Variants in KAT5 observed in about 807,000 individuals in gnomAD.
KAT5 encodes the protein lysine acetyltransferase 5.
A neutral mutation model predicts 68.1 loss-of-function variants in KAT5; 31 were observed. That is an observed-to-expected ratio of 0.46 (90% CI 0.34 to 0.61). KAT5 has a LOEUF of 0.61. Ranked by LOEUF, KAT5 falls within the 20% of genes least tolerant of loss-of-function variation. The pLI is 0.01. For synonymous variants in KAT5, 365 were observed against 292.6 expected, an observed-to-expected ratio of 1.25 and a Z score of -2.52; for missense variants, 451 against 725.5, an observed-to-expected ratio of 0.62 and a Z score of 4.35.
Position 65,714,670 on chromosome 11 carries a change from C to T in KAT5, c.866C>T (p.Thr289Ile). 1 of 1,614,240 alleles carries T rather than the reference C, an allele frequency of 6.2e-7. No individual in the cohort carries two copies. Among genetic ancestry groups the T allele is most frequent in the Non-Finnish European group, 8.5e-7 (1 of 1,180,036 alleles). ...TCCCCGTACCCACAGGAACTCACCA[C>T]ATTGCCTGTCCTCTACCTGTGCGAG... is the stretch of plus-strand genomic sequence containing the variant. ...YFSPYPQELT[T>I]LPVLYLCEFC... Residue 289 changes from threonine to isoleucine, a missense_variant, in exon 7 of 13, where the codon ACA becomes ATA. By Grantham distance (89) the Thr-to-Ile change is moderately conservative. Around this residue, in one of 4 missense-constraint regions of KAT5, gnomAD observed 210 missense variants for 423.7 expected, o/e 0.50. Coordinates refer to ENST00000341318, the MANE Select transcript of KAT5 (RefSeq NM_182710.3).
rs747866272 is a variant in KAT5 at position 65,717,096 on chromosome 11, G to A, written c.1264+114G>A. 1.1e-4 allele frequency: 94 copies of A among 827,276 alleles called. 1 individual carries two copies. The highest frequency in any genetic ancestry group is 7.3e-4 in the Middle Eastern group (3 of 4,128). The allele number at this position is 827,276 out of a possible 1,614,324, so 51.2% of individuals were successfully genotyped here. A position where few individuals can be genotyped will look rare whatever the true frequency, so the allele number is the denominator to read the frequency against. ...TGGCTGTGCAGCCCAGCCTCTAGGG[G>A]AACCAGCCAGAAATAACAGTGGCAC... is the stretch of plus-strand genomic sequence containing the variant. On this transcript the variant is annotated intron_variant, in intron 10 of 12. Transcript: ENST00000341318.
At chr11:65,715,084 C>G (rs1857150002) in intron 8 of KAT5, 174 bp downstream of exon 8, 1 of 638,180 alleles carries the variant, frequency 1.6e-6, no homozygotes, top group East Asian at 2.8e-5. Context: ...TCTCTGACAG[C>G]TTAGTCCATG....
chr11:65,714,336 C>T (rs547679911), intron 6 of KAT5, 159 bp from the exon 7 acceptor site: 16 of 786,420 alleles, frequency 2.0e-5, no homozygotes, highest in South Asian at 1.6e-4. Flanking sequence ...ATCATCGATC[C>T]TTTAGGGTTT....
intron 10 of KAT5, chr11:65,717,649 C>T (rs4645933): frequency 0.28 from 43,385 of 155,542 alleles, 7,183 homozygotes; most frequent in Non-Finnish European, 0.35. Flanking sequence ...CTGGTGAAGA[C>T]ACAGAGGCTT....
chr11:65,718,509 G>T (rs1857283004), intron 10 of KAT5, 81 bp from the exon 11 acceptor site: 1 of 1,478,434 alleles, frequency 6.8e-7, no homozygotes, highest in Non-Finnish European at 9.3e-7. Flanking sequence ...TAGGCAGCCT[G>T]CCTTGGCAAC....
intron 6 of KAT5, chr11:65,714,219 C>T: frequency 1.9e-6 from 1 of 538,738 alleles, no homozygotes; most frequent in Non-Finnish European, 3.3e-6. Flanking sequence ...TGCTTGAACC[C>T]CGGAGGTGGA....
upstream of KAT5, chr11:65,712,123 G>A (rs1857036695): frequency 2.8e-6 from 2 of 720,568 alleles, no homozygotes; most frequent in Admixed American, 4.0e-5. Context: ...AGTCACAGGG[G>A]CAGTCTTGCC....
chr11:65,712,534 A>G, intron 1 of KAT5, 89 bp downstream of exon 1: 1 of 1,446,914 alleles, frequency 6.9e-7, no homozygotes, highest in Non-Finnish European at 9.4e-7. Context: ...GGCGTCTGGA[A>G]TTATGGGGCG....
intron 8 of KAT5, chr11:65,715,117 C>T (rs531944664): frequency 3.4e-5 from 20 of 583,986 alleles, no homozygotes; most frequent in African/African-American, 2.0e-4. Context: ...ATACCAATGA[C>T]CTCTAGCTCC....
upstream of KAT5, chr11:65,712,087 G>C: frequency 1.8e-6 from 1 of 553,988 alleles, no homozygotes; most frequent in Non-Finnish European, 3.0e-6. Context: ...CTCGGCCTGA[G>C]GCTTGTAACA....
At chr11:65,714,030 C>T in intron 6 of KAT5, 182 bp downstream of exon 6, 1 of 630,598 alleles carries the variant, frequency 1.6e-6, no homozygotes, top group Non-Finnish European at 2.7e-6. Flanking sequence ...CACCATGGCT[C>T]ATACCTGTAA....
In KAT5 at chr11:65,713,686, C is replaced by G. The variant is rs375802057; in HGVS notation, c.615+19C>G. On this transcript the variant is annotated intron_variant, in intron 5 of 12. Transcript: ENST00000341318. ...TCCCCAGGTGAGTTCCCCAAACCAT[C>G]TCTTGTTCTCTTCCTCTCTTCTACT... 6.8e-6 allele frequency: 11 copies of G among 1,614,058 alleles called. No individual in the cohort carries two copies. Among genetic ancestry groups the G allele is most frequent in the Middle Eastern group, 1.6e-4 (1 of 6,062 alleles).
Position 65,712,417 on chromosome 11 carries a change from G to A in KAT5, c.150G>A (p.Arg50=). ...IIEGCRLPVL[R]RNQDNEDEWP... Reference sequence around the variant, plus strand: ...AGGGCTGCCGCCTACCCGTGCTGCGGCGGAACCAGGACAACGAAGATGAGT... The same window carrying A: ...AGGGCTGCCGCCTACCCGTGCTGCGACGGAACCAGGACAACGAAGATGAGT... The change falls in exon 1 of 13, where the codon CGG becomes CGA. Residue 50 remains arginine, a synonymous_variant. Transcript: ENST00000341318. 1.3e-6 allele frequency: 2 copies of A among 1,592,520 alleles called. No homozygotes were observed. Among genetic ancestry groups the A allele is most frequent in the Non-Finnish European group, 8.5e-7 (1 of 1,174,066 alleles).
At chr11:65,713,313 C>T (rs767994940) in intron 3 of KAT5, 35 bp from the exon 4 acceptor site, 44 of 1,603,470 alleles carry the variant, frequency 2.7e-5, no homozygotes, top group East Asian at 1.8e-4. Flanking sequence ...CTGCCATCCC[C>T]GCCCCAAAGG....
chr11:65,718,563 T>C (rs561998272), intron 10 of KAT5, 27 bp from the exon 11 acceptor site: 22 of 1,600,984 alleles, frequency 1.4e-5, no homozygotes, highest in Admixed American at 1.7e-5. Context: ...GACCTCTTAC[T>C]CACCCTCTCC....
In KAT5 at chr11:65,714,732, C is replaced by T. The variant is rs766204816; in HGVS notation, c.928C>T (p.Gln310Ter). The stretch of plus-strand genomic sequence containing the variant: ...GTACGGCCGTAGTCTCAAGTGTCTT[C>T]AGCGTCATTTGGTATGAGGGGTCCA... ...LKYGRSLKCL[Q>*]RHLTKCDLRH... The change falls in exon 7 of 13, where the codon CAG becomes TAG. Residue 310 changes from glutamine (Q) to a stop codon, truncating the protein, a stop_gained. Transcript: ENST00000341318. LOFTEE classifies it high-confidence loss of function. The T allele has an allele frequency of 6.2e-7, 1 of 1,614,228 alleles. No homozygotes were observed. Among genetic ancestry groups the T allele is most frequent in the Non-Finnish European group, 8.5e-7 (1 of 1,180,044 alleles).
intron 6 of KAT5, chr11:65,714,097 G>T (rs928749193): frequency 5.5e-6 from 3 of 549,246 alleles, no homozygotes; most frequent in Non-Finnish European, 9.7e-6. Flanking sequence ...TCAGGAGTTT[G>T]AGACCAGCCT....
chr11:65,714,773 C>T (rs781584699), intron 7 of KAT5, 30 bp downstream of exon 7: 3 of 1,614,074 alleles, frequency 1.9e-6, no homozygotes, highest in East Asian at 2.2e-5. Context: ...GCTGCCTTCC[C>T]AGCACCCTCC....
intron 8 of KAT5, 79 bp downstream of exon 8, chr11:65,714,989 C>A: frequency 1.6e-6 from 2 of 1,274,868 alleles, no homozygotes; most frequent in South Asian, 1.2e-5. Context: ...ACTGACCAGT[C>A]AAGCCAGCAG....
Sources: gnomAD v4.1 joint callset for allele counts on GRCh38, gnomAD v4.1.1 for gene constraint, gnomAD v4.1.1 regional missense constraint, MANE v1.5 for transcripts, NCBI Gene and HGNC (gene_info 2026-07-23, HGNC 2026-07-21) for gene names.